Variants in CFAP57 observed in about 807,000 individuals in gnomAD.
The protein encoded by CFAP57 is cilia and flagella associated protein 57.
A neutral mutation model predicts 146.8 loss-of-function variants in CFAP57; 116 were observed. The observed-to-expected ratio is 0.79, with a 90% CI of 0.68 to 0.92. The LOEUF (loss-of-function observed/expected upper bound fraction) is 0.92, where lower values mean the gene tolerates loss of function less well. Among genes scored for constraint, CFAP57 ranks in the 40% least tolerant of loss-of-function variants. The pLI is 0.00. For synonymous variants in CFAP57, 518 were observed against 552.8 expected (o/e 0.94, Z 0.88); for missense variants, 1,377 against 1,527.2 (o/e 0.90, Z 1.64).
intron 18 of CFAP57, among the ~76,000 whole-genome samples, chr1:43,227,709 GCCC>G (rs1171072500): frequency 4.6e-5 from 7 of 152,042 alleles, no homozygotes; most frequent in Admixed American, 1.3e-4. Context: ...GGTCCCCCAT[GCCC>G]CCCACCACAC....
chr1:43,236,481 A>G (rs4083863), intron 21 of CFAP57, among the ~76,000 whole-genome samples: 21,083 of 149,034 alleles, frequency 0.14, 1,830 homozygotes, highest in African/African-American at 0.25. Context: ...CACCTTGCCT[A>G]TATGTAAAAC....
In CFAP57 at chr1:43,199,413, C is replaced by G; in HGVS notation, c.1452C>G (p.His484Gln). Residue 484 changes from histidine to glutamine, a missense_variant, in exon 9 of 23, where the codon CAC (histidine) becomes CAG (glutamine). Physicochemically the swap from His to Gln is conservative, Grantham distance 24. Transcript: ENST00000372492. ...CGECSFSNGG[H>Q]LFAAVNGNVI... Reference sequence around the variant, plus strand: ...AGTGTTCCTTTAGCAATGGAGGTCACCTGTTTGCTGCAGTCAATGGAAATG... The same window carrying G: ...AGTGTTCCTTTAGCAATGGAGGTCAGCTGTTTGCTGCAGTCAATGGAAATG... 1 of 1,614,150 alleles carries G rather than the reference C, an allele frequency of 6.2e-7. No individual in the cohort carries two copies. Among genetic ancestry groups the G allele is most frequent in the South Asian group, 1.1e-5 (1 of 91,072 alleles).
In CFAP57 at chr1:43,234,433, C is replaced by A; in HGVS notation, c.3261+20C>A. 1 of 1,542,554 alleles carries A rather than the reference C, an allele frequency of 6.5e-7. No individual in the cohort carries two copies. Among genetic ancestry groups the A allele is most frequent in the Non-Finnish European group, 8.8e-7 (1 of 1,142,472 alleles). On this transcript the variant is annotated intron_variant, in intron 20 of 22. Transcript: ENST00000372492. ...GACATGGTAAGCTCAGCCTCCCCTC[C>A]TGCCATGCACTGACCTCCGGGGTCT...
intron 4 of CFAP57, chr1:43,184,939 C>T: frequency 1.7e-6 from 1 of 578,238 alleles, no homozygotes; most frequent in Non-Finnish European, 3.1e-6. Flanking sequence ...CTGTCTACTC[C>T]ACACGCCCCA....
chr1:43,186,268 AG>A (rs2124324106), intron 5 of CFAP57, among the ~76,000 whole-genome samples: 1 of 152,216 alleles, frequency 6.6e-6, no homozygotes, highest in South Asian at 2.1e-4. Context: ...GGAGGATCCC[AG>A]GAAGCAGCCT....
intron 9 of CFAP57, 29 bp from the exon 10 acceptor site, chr1:43,206,691 T>C: frequency 6.2e-7 from 1 of 1,613,112 alleles, no homozygotes. Context: ...GTGTACACTC[T>C]TCACTGGATA....
Position 43,219,502 on chromosome 1 carries a change from A to G in CFAP57, c.2212A>G (p.Ile738Val), listed in dbSNP as rs1234331530. The change falls in exon 13 of 23, where the codon ATC becomes GTC. Residue 738 changes from isoleucine to valine, a missense_variant. By Grantham distance (29) the Ile-to-Val change is conservative. Coordinates refer to ENST00000372492, the MANE Select transcript of CFAP57 (RefSeq NM_001378189.1). ...EKIKELTDKF[I>V]QEMESLKTKN... ...GATTAAGGAGCTAACAGACAAGTTC[A>G]TCCAGGAAATGGAGTCCTTGAAAAC... 1 of 1,550,604 alleles carries G rather than the reference A, an allele frequency of 6.4e-7. No individual in the cohort carries two copies. The highest frequency in any genetic ancestry group is 8.7e-7 in the Non-Finnish European group (1 of 1,146,990).
In CFAP57 at chr1:43,224,333, G is replaced by A. The variant is rs182371279; in HGVS notation, c.2865+129G>A. 1,628 of 1,073,342 alleles carry A rather than the reference G, an allele frequency of 1.5e-3. 22 individuals carry two copies. Among genetic ancestry groups the A allele is most frequent in the Non-Finnish European group, 4.1e-4 (319 of 779,342 alleles). The allele number at this position is 1,073,342 out of a possible 1,614,324, so 66.5% of individuals were successfully genotyped here. ...CTTTAACTTGATGGGGGAACCAGCCGTCAGTGAAGTGCCTGTTGTGTGCTT... is the reference window on the plus strand; with the variant it reads ...CTTTAACTTGATGGGGGAACCAGCCATCAGTGAAGTGCCTGTTGTGTGCTT... On this transcript the variant is annotated intron_variant, in intron 17 of 22. Coordinates refer to ENST00000372492, the MANE Select transcript of CFAP57 (RefSeq NM_001378189.1).
At chr1:43,209,673 A>G in intron 10 of CFAP57, 70 bp from the exon 11 acceptor site, 1 of 1,458,868 alleles carries the variant, frequency 6.9e-7, no homozygotes, top group Non-Finnish European at 9.5e-7. Context: ...AGAGGGCGAG[A>G]GAGTATGGCA....
chr1:43,207,680 A>T (rs1238142851), intron 10 of CFAP57, among the ~76,000 whole-genome samples: 1 of 152,260 alleles, frequency 6.6e-6, no homozygotes, highest in Admixed American at 6.5e-5. Context: ...GTACAGTTAC[A>T]TTGGGCTCCA....
intron 9 of CFAP57, among the ~76,000 whole-genome samples, chr1:43,204,197 T>G (rs1384226397): frequency 6.6e-6 from 1 of 152,230 alleles, no homozygotes; most frequent in Non-Finnish European, 1.5e-5. Flanking sequence ...TTCTGTTTTC[T>G]TATTATATTC....
At chr1:43,190,244 T>C (rs918395273) in intron 6 of CFAP57, among the ~76,000 whole-genome samples, 6 of 149,648 alleles carry the variant, frequency 4.0e-5, no homozygotes, top group African/African-American at 1.5e-4. Flanking sequence ...TTCCTAATCT[T>C]AGGGAGAAAG....
intron 22 of CFAP57, among the ~76,000 whole-genome samples, chr1:43,249,155 C>G (rs1646235714): frequency 6.6e-6 from 1 of 151,770 alleles, no homozygotes; most frequent in Non-Finnish European, 1.5e-5. Context: ...CGGCCTCAGC[C>G]TCCCAAAGTG....
At chr1:43,213,566 A>G (rs750335294) in intron 11 of CFAP57, among the ~76,000 whole-genome samples, 3 of 151,836 alleles carry the variant, frequency 2.0e-5, no homozygotes, top group Non-Finnish European at 4.4e-5. Flanking sequence ...TTAGAAAAGT[A>G]TCCAGTAATG....
intron 22 of CFAP57, among the ~76,000 whole-genome samples, chr1:43,249,361 C>G (rs55985541): frequency 1.3e-5 from 2 of 148,260 alleles, no homozygotes; most frequent in Non-Finnish European, 3.0e-5. Context: ...TAGATTACTT[C>G]TGAAAACTGA....
intron 6 of CFAP57, among the ~76,000 whole-genome samples, chr1:43,190,033 A>G (rs545887344): frequency 6.6e-6 from 1 of 152,314 alleles, no homozygotes; most frequent in African/African-American, 2.4e-5. Context: ...TGGAGGAGAC[A>G]AATATCCAAA....
In CFAP57 at chr1:43,206,821, A is replaced by G; in HGVS notation, c.1644A>G (p.Thr548=). 1 of 1,614,218 alleles carries G rather than the reference A, an allele frequency of 6.2e-7. No individual in the cohort carries two copies. Among genetic ancestry groups the G allele is most frequent in the Non-Finnish European group, 8.5e-7 (1 of 1,180,038 alleles). Residue 548 remains threonine, a synonymous_variant, in exon 10 of 23, where the codon ACA becomes ACG. Coordinates refer to ENST00000372492, the MANE Select transcript of CFAP57 (RefSeq NM_001378189.1). The part of the protein sequence containing the change: ...EWNLSTGKRE[T]ECVLKSCSYN... ...ATCTGTCCACAGGAAAGAGAGAGAC[A>G]GAATGCGTGCTCAAGTCTTGCAGCT... is the stretch of plus-strand genomic sequence containing the variant.
In CFAP57 at chr1:43,254,259, TTGCGGTTGGAGTCTGTATGGTCCC is replaced by T; in HGVS notation, c.*72_*95del. On this transcript the variant is annotated 3_prime_UTR_variant, in exon 23 of 23. Transcript: ENST00000372492. ...CAGCATGTCTGTCCCCAAGCCAGAC[TTGCGGTTGGAGTCTGTATGGTCCC>T]TGCAGCACTGACCCCAGCAACCTCT... The T allele has an allele frequency of 7.0e-7, 1 of 1,421,526 alleles. No homozygotes were observed. The highest frequency in any genetic ancestry group is 9.5e-7 in the Non-Finnish European group (1 of 1,052,972). 88.1% of individuals were successfully genotyped at this position (1,421,526 alleles called of 1,614,324 possible).
At chr1:43,214,503 A>G (rs1431711909) in intron 11 of CFAP57, among the ~76,000 whole-genome samples, 3 of 152,214 alleles carry the variant, frequency 2.0e-5, no homozygotes, top group Non-Finnish European at 4.4e-5. Flanking sequence ...CACAGTTTGT[A>G]TAGCCATTCA....
Sources: gnomAD v4.1 joint callset for allele counts (sites outside exome capture counted in the v4.1 genomes callset) on GRCh38, gnomAD v4.1.1 for gene constraint, MANE v1.5 for transcripts, NCBI Gene and HGNC (gene_info 2026-07-23, HGNC 2026-07-21) for gene names.